UVRAG: variants seen among roughly 807,000 people sequenced by gnomAD.
UVRAG encodes UV radiation resistance associated.
UVRAG carries 19 observed loss-of-function variants against 78.0 expected under a neutral mutation model. The observed-to-expected ratio is 0.24, with a 90% CI of 0.17 to 0.36. UVRAG has a LOEUF of 0.36. Among genes scored for constraint, UVRAG ranks in the 10% least tolerant of loss-of-function variants. The probability of loss-of-function intolerance (pLI) is 1.00; values close to 1 mark genes in which losing one functional copy is unlikely to be tolerated. For synonymous variants in UVRAG, 323 were observed against 324.6 expected, an observed-to-expected ratio of 1.00 and a Z score of 0.05; for missense variants, 740 against 853.8, an observed-to-expected ratio of 0.87 and a Z score of 1.66.
At chr11:75,962,979 T>C (rs1169022948) in intron 7 of UVRAG, among the ~76,000 whole-genome samples, 2 of 152,174 alleles carry the variant, frequency 1.3e-5, no homozygotes, top group Non-Finnish European at 2.9e-5. Context: ...TCATTGTGTG[T>C]TTTTATGCTG....
intron 13 of UVRAG, among the ~76,000 whole-genome samples, 186 bp downstream of exon 13, chr11:76,065,974 A>G (rs1951177293): frequency 6.6e-6 from 1 of 152,224 alleles, no homozygotes; most frequent in African/African-American, 2.4e-5. Context: ...ACTACAGAGA[A>G]GCAATGAATA....
intron 13 of UVRAG, among the ~76,000 whole-genome samples, chr11:76,088,467 C>A (rs1166814372): frequency 6.6e-6 from 1 of 151,292 alleles, no homozygotes. Context: ...CCTATGCCAC[C>A]CCCAACCCCC....
At chr11:75,943,304 T>G (rs1479516102) in intron 6 of UVRAG, among the ~76,000 whole-genome samples, 1 of 128,054 alleles carries the variant, frequency 7.8e-6, no homozygotes, top group Non-Finnish European at 1.6e-5. Flanking sequence ...ACTTTTCCTG[T>G]TTTTTTTTTT....
chr11:76,088,237 CT>C (rs989044566), intron 13 of UVRAG, among the ~76,000 whole-genome samples: 7 of 152,176 alleles, frequency 4.6e-5, no homozygotes, highest in Admixed American at 3.3e-4. Context: ...TATAGCGCCC[CT>C]ATAGTAGTTT....
At chr11:75,822,979 C>G (rs1432039985) in intron 1 of UVRAG, among the ~76,000 whole-genome samples, 1 of 152,124 alleles carries the variant, frequency 6.6e-6, no homozygotes, top group Non-Finnish European at 1.5e-5. Flanking sequence ...GGTGACCATT[C>G]TCCTTCTAGG....
chr11:75,988,653 G>T (rs1373941407), intron 8 of UVRAG, among the ~76,000 whole-genome samples: 1 of 152,166 alleles, frequency 6.6e-6, no homozygotes, highest in Non-Finnish European at 1.5e-5. Flanking sequence ...GTAAATGTGT[G>T]TTTAACTTTT....
At chr11:75,957,423 T>A (rs941041135) in intron 6 of UVRAG, among the ~76,000 whole-genome samples, 5 of 152,136 alleles carry the variant, frequency 3.3e-5, no homozygotes, top group African/African-American at 1.2e-4. Flanking sequence ...CTTTGTTTTT[T>A]TTTTTATCTC....
chr11:75,983,497 T>A lies in UVRAG; in HGVS notation c.810T>A (p.Ile270=). Reference sequence around the variant, plus strand: ...TGGCATTACTGCATAAGCAACAAATTGCATTACAAGACAAAGGTGAGTGGA... The same window carrying A: ...TGGCATTACTGCATAAGCAACAAATAGCATTACAAGACAAAGGTGAGTGGA... The part of the protein sequence containing the change: ...REVALLHKQQ[I]ALQDKGSAFS... Residue 270 remains isoleucine (I), a synonymous_variant, in exon 8 of 15, where the codon ATT becomes ATA. Coordinates refer to ENST00000356136, the MANE Select transcript of UVRAG (RefSeq NM_003369.4). The A allele has an allele frequency of 6.2e-7, 1 of 1,607,220 alleles. No individual in the cohort carries two copies. The highest frequency in any genetic ancestry group is 8.5e-7 in the Non-Finnish European group (1 of 1,175,622).
chr11:75,930,932 T>TTTCTTTCTTTCTTTCC (rs1555089501), intron 6 of UVRAG: 20 of 119,832 alleles, frequency 1.7e-4, no homozygotes, highest in African/African-American at 7.5e-4. Context: ...CGGGATTTTC[T>TTTCTTTCTTTCTTTCC]TTCTTTCTTT....
intron 5 of UVRAG, among the ~76,000 whole-genome samples, chr11:75,909,201 G>T (rs1242190779): frequency 6.6e-6 from 1 of 152,100 alleles, no homozygotes; most frequent in Non-Finnish European, 1.5e-5. Flanking sequence ...ATTAAAATTA[G>T]CTGGGCGTGG....
At chr11:75,871,380 A>G (rs911540337) in intron 3 of UVRAG, among the ~76,000 whole-genome samples, 2 of 142,828 alleles carry the variant, frequency 1.4e-5, no homozygotes, top group Non-Finnish European at 3.0e-5. Context: ...TCTGCCTCCC[A>G]GGTTCAAGTG....
intron 12 of UVRAG, among the ~76,000 whole-genome samples, chr11:76,041,090 C>T (rs542017650): frequency 1.3e-5 from 2 of 151,990 alleles, no homozygotes; most frequent in South Asian, 4.2e-4. Context: ...ATGCAAGAAC[C>T]CTTAGGGAAA....
chr11:75,945,569 T>G (rs933027673), intron 6 of UVRAG, among the ~76,000 whole-genome samples: 1 of 152,112 alleles, frequency 6.6e-6, no homozygotes. Flanking sequence ...AGGTGCCTGG[T>G]CTTTTTGCAT....
chr11:75,859,632 G>T (rs1946375410), intron 2 of UVRAG, among the ~76,000 whole-genome samples: 1 of 152,036 alleles, frequency 6.6e-6, no homozygotes, highest in Non-Finnish European at 1.5e-5. Context: ...GGGCCATAAA[G>T]GTTAATTGAC....
chr11:75,875,630 T>C (rs77128596), intron 3 of UVRAG, among the ~76,000 whole-genome samples: 1 of 152,164 alleles, frequency 6.6e-6, no homozygotes, highest in African/African-American at 2.4e-5. Flanking sequence ...TTTTTTTTTT[T>C]TCATATTGGT....
At chr11:75,940,920 T>C (rs1311014499) in intron 6 of UVRAG, among the ~76,000 whole-genome samples, 1 of 152,124 alleles carries the variant, frequency 6.6e-6, no homozygotes, top group Non-Finnish European at 1.5e-5. Context: ...TCAAATTGCC[T>C]GATGTATTTC....
chr11:76,044,911 G>A (rs1051564956), intron 12 of UVRAG, among the ~76,000 whole-genome samples: 4 of 152,154 alleles, frequency 2.6e-5, no homozygotes, highest in Non-Finnish European at 5.9e-5. Flanking sequence ...AGCAATTGAC[G>A]TAGCAGACTG....
At chr11:75,822,494 T>G (rs1217033185) in intron 1 of UVRAG, among the ~76,000 whole-genome samples, 2 of 152,074 alleles carry the variant, frequency 1.3e-5, no homozygotes, top group African/African-American at 4.8e-5. Flanking sequence ...AGTTAAAGGC[T>G]CAGACCCATA....
intron 7 of UVRAG, among the ~76,000 whole-genome samples, chr11:75,970,533 C>T (rs1949103034): frequency 1.3e-5 from 2 of 152,068 alleles, no homozygotes; most frequent in Admixed American, 1.3e-4. Flanking sequence ...GAGATCAAGA[C>T]CATCCTGGCT....
Sources: allele counts gnomAD v4.1 joint callset (sites outside exome capture counted in the v4.1 genomes callset), GRCh38; gene constraint gnomAD v4.1.1; transcripts MANE v1.5; gene names NCBI Gene and HGNC (gene_info 2026-07-23, HGNC 2026-07-21).